Variants in LRP1B observed in about 807,000 individuals in gnomAD.
LRP1B encodes low-density lipoprotein receptor-related protein 1B.
A neutral mutation model predicts 556.6 loss-of-function variants in LRP1B; 217 were observed. The observed-to-expected ratio is 0.39, with a 90% CI of 0.35 to 0.44. LRP1B has a LOEUF of 0.44. LRP1B is among the 20% of genes least tolerant of loss of function. The pLI is 1.00. For missense variants in LRP1B, 5,053 were observed against 5,620.8 expected (o/e 0.90, Z 3.23); for synonymous variants, 2,047 against 1,865.8 (o/e 1.10, Z -2.50).
chr2:140,530,205 A>G (rs1397383545), intron 47 of LRP1B, among the ~76,000 whole-genome samples: 1 of 151,990 alleles, frequency 6.6e-6, no homozygotes, highest in African/African-American at 2.4e-5. Context: ...CAATTGTATC[A>G]CTTTATCTTT....
At chr2:140,406,814 T>A (rs1351141497) in intron 66 of LRP1B, among the ~76,000 whole-genome samples, 1 of 152,098 alleles carries the variant, frequency 6.6e-6, no homozygotes, top group African/African-American at 2.4e-5. Context: ...AATGCCATTA[T>A]CATTTTTCAC....
chr2:141,838,806 T>C (rs186275038), intron 1 of LRP1B, among the ~76,000 whole-genome samples: 3 of 152,294 alleles, frequency 2.0e-5, no homozygotes, highest in Non-Finnish European at 2.9e-5. Context: ...TTAAATGAAG[T>C]GAATGGGAAA....
At chr2:141,377,185 T>C (rs2104879498) in intron 3 of LRP1B, among the ~76,000 whole-genome samples, 1 of 152,300 alleles carries the variant, frequency 6.6e-6, no homozygotes, top group Non-Finnish European at 1.5e-5. Flanking sequence ...ATCTTCTTCA[T>C]GTTTCATTCC....
intron 47 of LRP1B, among the ~76,000 whole-genome samples, chr2:140,528,117 G>A (rs1259413954): frequency 6.6e-6 from 1 of 151,806 alleles, no homozygotes; most frequent in Non-Finnish European, 1.5e-5. Context: ...GAGAAGTAGT[G>A]GCAGAGACAA....
At chr2:141,297,637 C>G (rs992801) in intron 3 of LRP1B, among the ~76,000 whole-genome samples, 2,660 of 152,108 alleles carry the variant, frequency 0.017, 71 homozygotes, top group African/African-American at 0.06. Flanking sequence ...ATATAAAATC[C>G]TGACCTTTTT....
At chr2:141,739,380 A>G (rs1293845045) in intron 2 of LRP1B, among the ~76,000 whole-genome samples, 1 of 152,166 alleles carries the variant, frequency 6.6e-6, no homozygotes, top group East Asian at 1.9e-4. Context: ...ATAAGCACAC[A>G]AAGATACATC....
At chr2:141,150,875 G>A (rs905304223) in intron 7 of LRP1B, among the ~76,000 whole-genome samples, 1 of 125,614 alleles carries the variant, frequency 8.0e-6, no homozygotes, top group Admixed American at 8.1e-5. Context: ...TGGTTTGTGT[G>A]TGTGTGTGTG....
intron 1 of LRP1B, among the ~76,000 whole-genome samples, chr2:141,838,853 C>A (rs1326341722): frequency 6.6e-6 from 1 of 152,088 alleles, no homozygotes; most frequent in African/African-American, 2.4e-5. Context: ...TTAGTATTTG[C>A]TTTTTCCCTT....
intron 1 of LRP1B, among the ~76,000 whole-genome samples, chr2:142,008,650 G>A (rs1702867393): frequency 6.6e-6 from 1 of 151,572 alleles, no homozygotes; most frequent in African/African-American, 2.4e-5. Context: ...TTACTGACTG[G>A]CTGTTTCTGA....
chr2:140,769,153 T>G, intron 35 of LRP1B, 60 bp downstream of exon 35: 1 of 1,467,822 alleles, frequency 6.8e-7, no homozygotes, highest in Non-Finnish European at 9.5e-7. Context: ...TGTATTCCCA[T>G]CATGTTTAAT....
At chr2:141,542,267 A>G (rs990700689) in intron 2 of LRP1B, among the ~76,000 whole-genome samples, 1 of 151,974 alleles carries the variant, frequency 6.6e-6, no homozygotes, top group East Asian at 1.9e-4. Flanking sequence ...TATTTTTAAG[A>G]TTAAATAAAG....
intron 2 of LRP1B, among the ~76,000 whole-genome samples, chr2:141,547,873 A>T (rs1685609093): frequency 6.6e-6 from 1 of 151,176 alleles, no homozygotes; most frequent in Non-Finnish European, 1.5e-5. Context: ...GAAAGAAAAT[A>T]AATGGAATGT....
chr2:140,709,034 A>T (rs991649509), intron 37 of LRP1B, among the ~76,000 whole-genome samples: 1 of 152,086 alleles, frequency 6.6e-6, no homozygotes, highest in Admixed American at 6.6e-5. Context: ...GTCAACCAAG[A>T]CCTTTTATAT....
At chr2:140,503,589 C>T (rs1475610234) in intron 53 of LRP1B, among the ~76,000 whole-genome samples, 1 of 151,956 alleles carries the variant, frequency 6.6e-6, no homozygotes, top group Non-Finnish European at 1.5e-5. Flanking sequence ...ATTTAAAAGT[C>T]AATTTTAGAG....
At chr2:141,024,160 T>C (rs1274298582) in intron 11 of LRP1B, among the ~76,000 whole-genome samples, 1 of 152,048 alleles carries the variant, frequency 6.6e-6, no homozygotes, top group Non-Finnish European at 1.5e-5. Context: ...ATTAATAGTG[T>C]AGCAGTAAAA....
chr2:142,082,267 C>G (rs912043890), intron 1 of LRP1B, among the ~76,000 whole-genome samples: 9 of 152,118 alleles, frequency 5.9e-5, no homozygotes, highest in African/African-American at 2.2e-4. Flanking sequence ...CATTTTCTCA[C>G]ATTTGGACTC....
In LRP1B at chr2:141,719,256, C is replaced by T. The variant is rs78421176; in HGVS notation, c.205+91023G>A. 3.4e-3 allele frequency among the ~76,000 whole-genome samples: 514 copies of T among 152,226 alleles called. 2 individuals are homozygous for T. The highest frequency in any genetic ancestry group is 0.012 in the African/African-American group (492 of 41,540). On this transcript the variant is annotated intron_variant, in intron 2 of 90. Transcript: ENST00000389484. ...ACAGTTAACAATCTCAATGCAATCC[C>T]ATCTATTTATTGCTGTTTCTTGGCA...
chr2:141,620,876 G>C (rs571617414), intron 2 of LRP1B, among the ~76,000 whole-genome samples: 8 of 151,354 alleles, frequency 5.3e-5, no homozygotes, highest in Non-Finnish European at 7.4e-5. Flanking sequence ...TACTGGGAAA[G>C]TTTCCAGACA....
At chr2:141,415,251 G>T (rs1691049668) in intron 3 of LRP1B, among the ~76,000 whole-genome samples, 1 of 151,938 alleles carries the variant, frequency 6.6e-6, no homozygotes, top group African/African-American at 2.4e-5. Context: ...TTGACCTTGT[G>T]ATCCGCCTGC....
Sources: gnomAD v4.1 joint callset for allele counts (sites outside exome capture counted in the v4.1 genomes callset) on GRCh38, gnomAD v4.1.1 for gene constraint, MANE v1.5 for transcripts, NCBI Gene and HGNC (gene_info 2026-07-23, HGNC 2026-07-21) for gene names.